The following LZTS1 variants were observed in gnomAD, a reference collection of about 807,000 sequenced individuals.
LZTS1 encodes leucine zipper putative tumor suppressor 1.
Under a neutral mutation model 45.8 loss-of-function variants are expected in LZTS1, and 31 were observed. That is an observed-to-expected ratio of 0.68 (90% confidence interval 0.51 to 0.91). LZTS1 has a LOEUF of 0.91. LZTS1 is among the 40% of genes least tolerant of loss of function. The probability of loss-of-function intolerance (pLI) is 0.00; values close to 1 mark genes in which losing one functional copy is unlikely to be tolerated. For synonymous variants in LZTS1, 359 were observed against 357.3 expected (o/e 1.00, Z -0.05); for missense variants, 821 against 788.9 (o/e 1.04, Z -0.49).
chr8:20,270,598 A>G (rs4244461), intron 1 of LZTS1, among the ~76,000 whole-genome samples: 145,810 of 152,236 alleles, frequency 0.96, 69,903 homozygotes, highest in East Asian at 1. Flanking sequence ...TGCCATACCC[A>G]GGAGGGCTTT....
intron 1 of LZTS1, among the ~76,000 whole-genome samples, chr8:20,259,251 T>A (rs889571338): frequency 6.6e-6 from 1 of 152,010 alleles, no homozygotes; most frequent in African/African-American, 2.4e-5. Context: ...TAATATTAAA[T>A]AGGAACATTA....
At chr8:20,278,776 G>C (rs1010872114) in intron 1 of LZTS1, among the ~76,000 whole-genome samples, 2 of 152,154 alleles carry the variant, frequency 1.3e-5, no homozygotes, top group East Asian at 3.9e-4. Flanking sequence ...AGCTCAAATA[G>C]ATCTTCCACA....
chr8:20,249,886 GGT>G lies in LZTS1; in HGVS notation c.1625_1626del (p.Tyr542SerfsTer38). On this transcript the variant is annotated frameshift_variant, in exon 4 of 4. Transcript: ENST00000381569. LOFTEE classifies it high-confidence loss of function. ...ACGTAGCTCTGCTGCAGCTGTTTCT[GGT>G]ACTGAATCACCTTCTCCTTCTCCTC... ...WKEEKEKVIQ[Y>X]QKQLQQSYVA... 1 of 1,614,212 alleles carries G rather than the reference GGT, an allele frequency of 6.2e-7. No homozygotes were observed. Among genetic ancestry groups the G allele is most frequent in the African/African-American group, 1.3e-5 (1 of 75,060 alleles).
At chr8:20,302,918 C>T (rs1196416699) in intron 1 of LZTS1, among the ~76,000 whole-genome samples, 5 of 152,102 alleles carry the variant, frequency 3.3e-5, no homozygotes, top group African/African-American at 9.7e-5. Context: ...GAAAAAGAGA[C>T]ATCACCTGGC....
chr8:20,303,824 C>T lies in LZTS1; in HGVS notation c.-219G>A, dbSNP rs1415230162. On this transcript the variant is annotated 5_prime_UTR_variant, in exon 1 of 4. Transcript: ENST00000381569. Reference sequence around the variant, plus strand: ...TGTTCCCGTCTCTCTTTTTCCAGAGCTGCTGAGCGGGCCGGGCCGGTCCCA... The same window carrying T: ...TGTTCCCGTCTCTCTTTTTCCAGAGTTGCTGAGCGGGCCGGGCCGGTCCCA... 59 of 984,344 alleles carry T rather than the reference C, an allele frequency of 6.0e-5. 1 individual carries two copies. The South Asian group carries it at 2.3e-3, about 38-fold the overall frequency. 61.0% of individuals were successfully genotyped at this position (984,344 alleles called of 1,614,324 possible).
In LZTS1 at chr8:20,249,226, C is replaced by G. The variant is rs76239420; in HGVS notation, c.*496G>C. On this transcript the variant is annotated 3_prime_UTR_variant, in exon 4 of 4. Transcript: ENST00000381569. ...AGCTTCCCCGCGGCTCATTCCACCC[C>G]TACACCTCTGCGGCCAGAGGAAAAT... 0.033 allele frequency: 5,158 copies of G among 156,408 alleles called. 315 individuals carry two copies. Among genetic ancestry groups the G allele is most frequent in the African/African-American group, 0.12 (4,922 of 41,594 alleles). 9.7% of individuals were successfully genotyped at this position (156,408 alleles called of 1,614,324 possible). A position where few individuals can be genotyped will look rare whatever the true frequency, so the allele number is the denominator to read the frequency against.
chr8:20,281,752 G>T (rs1475163956), intron 1 of LZTS1, among the ~76,000 whole-genome samples: 2 of 152,192 alleles, frequency 1.3e-5, no homozygotes, highest in African/African-American at 4.8e-5. Flanking sequence ...AAAGCTTCCT[G>T]AGACCTCACC....
Position 20,250,371 on chromosome 8 carries a change from G to T in LZTS1, c.1150-8C>A. On this transcript the variant is annotated splice_polypyrimidine_tract_variant and splice_region_variant and intron_variant, in intron 3 of 3. Coordinates refer to ENST00000381569, the MANE Select transcript of LZTS1 (RefSeq NM_021020.5). ...GCCTGACTTCTGGCACACCTGCCGA[G>T]GGTGGGGTGGAGACAGAGTGCCAAG... The T allele has an allele frequency of 6.3e-7, 1 of 1,584,768 alleles. No homozygotes were observed. The highest frequency in any genetic ancestry group is 8.6e-7 in the Non-Finnish European group (1 of 1,164,772).
intron 1 of LZTS1, among the ~76,000 whole-genome samples, chr8:20,280,709 G>A (rs62499985): frequency 0.026 from 3,974 of 152,260 alleles, 98 homozygotes; most frequent in African/African-American, 0.058. Context: ...GGGTGGTCCT[G>A]ACAGTTCCCT....
intron 1 of LZTS1, among the ~76,000 whole-genome samples, chr8:20,298,184 C>A (rs1160852844): frequency 6.6e-6 from 1 of 152,144 alleles, no homozygotes; most frequent in Non-Finnish European, 1.5e-5. Context: ...GTCTCAGCCT[C>A]CCAAGTAGCT....
intron 1 of LZTS1, among the ~76,000 whole-genome samples, chr8:20,275,058 G>A (rs1162671247): frequency 6.6e-6 from 1 of 152,104 alleles, no homozygotes; most frequent in Admixed American, 6.5e-5. Context: ...GTGGGTGGGG[G>A]ACAGATACTA....
intron 1 of LZTS1, among the ~76,000 whole-genome samples, chr8:20,301,193 T>C (rs1202312148): frequency 6.6e-6 from 1 of 151,018 alleles, no homozygotes; most frequent in African/African-American, 2.4e-5. Context: ...GCAGGAATAT[T>C]CCATGCAGAA....
chr8:20,263,598 G>A (rs1800290163), intron 1 of LZTS1, among the ~76,000 whole-genome samples: 1 of 152,170 alleles, frequency 6.6e-6, no homozygotes, highest in Admixed American at 6.5e-5. Flanking sequence ...GAGCTGGAGA[G>A]ACCATTGGAA....
At chr8:20,264,959 T>C (rs1053293859) in intron 1 of LZTS1, among the ~76,000 whole-genome samples, 2 of 152,054 alleles carry the variant, frequency 1.3e-5, no homozygotes, top group Non-Finnish European at 2.9e-5. Flanking sequence ...TGTGTACGTG[T>C]GTGTGTCAGT....
At chr8:20,277,736 C>T (rs935073190) in intron 1 of LZTS1, among the ~76,000 whole-genome samples, 2 of 152,190 alleles carry the variant, frequency 1.3e-5, no homozygotes, top group African/African-American at 4.8e-5. Flanking sequence ...GCACCCTTTT[C>T]TCTGTTTCTG....
In LZTS1 at chr8:20,250,243, C is replaced by T; in HGVS notation, c.1270G>A (p.Gly424Ser). Residue 424 changes from glycine to serine, a missense_variant, in exon 4 of 4, where the codon GGC becomes AGC. Transcript: ENST00000381569. ...CTCAGCTCCAGGCCCTCCAGCTTGC[C>T]CCGCGTGTCCTTCAGCTGTGCCTTG... ...GLKAQLKDTR[G>S]KLEGLELRTQ... 6.2e-7 allele frequency: 1 copy of T among 1,613,596 alleles called. No individual in the cohort carries two copies. The highest frequency in any genetic ancestry group is 8.5e-7 in the Non-Finnish European group (1 of 1,180,022).
chr8:20,253,658 C>T (rs1563857389), intron 2 of LZTS1, 73 bp from the exon 3 acceptor site: 6 of 1,250,640 alleles, frequency 4.8e-6, no homozygotes, highest in East Asian at 2.6e-5. Flanking sequence ...CCCAGGCACG[C>T]GTGCCGACCT....
chr8:20,300,949 A>C (rs757884910), intron 1 of LZTS1, among the ~76,000 whole-genome samples: 9 of 151,908 alleles, frequency 5.9e-5, no homozygotes, highest in Admixed American at 1.3e-4. Context: ...ACAAAACCCC[A>C]TCTCTACTAA....
intron 1 of LZTS1, among the ~76,000 whole-genome samples, chr8:20,266,431 C>G (rs1260102240): frequency 1.3e-5 from 2 of 152,182 alleles, no homozygotes; most frequent in African/African-American, 4.8e-5. Flanking sequence ...GTGACTTAAA[C>G]TGAGGTCTCC....
Sources: gnomAD v4.1 joint callset for allele counts (sites outside exome capture counted in the v4.1 genomes callset) on GRCh38, gnomAD v4.1.1 for gene constraint, MANE v1.5 for transcripts, NCBI Gene and HGNC (gene_info 2026-07-23, HGNC 2026-07-21) for gene names.